VAV2: variants seen among roughly 807,000 people sequenced by gnomAD.
The protein encoded by VAV2 is vav guanine nucleotide exchange factor 2, also known as guanine nucleotide exchange factor VAV2.
VAV2 carries 67 observed loss-of-function variants against 132.5 expected under a neutral mutation model. The observed-to-expected ratio is 0.51, with a 90% CI of 0.42 to 0.62. The LOEUF (loss-of-function observed/expected upper bound fraction) is 0.62. Ranked by LOEUF, VAV2 falls within the 20% of genes least tolerant of loss-of-function variation. The probability of loss-of-function intolerance (pLI) is 0.00; values close to 1 mark genes in which losing one functional copy is unlikely to be tolerated. For missense variants in VAV2, 938 were observed against 1,153.6 expected (o/e 0.81, Z 2.71); for synonymous variants, 492 against 443.5 (o/e 1.11, Z -1.37).
At chr9:133,792,575 C>T (rs908345392) in intron 12 of VAV2, among the ~76,000 whole-genome samples, 25 of 144,924 alleles carry the variant, frequency 1.7e-4, no homozygotes, top group African/African-American at 6.5e-4. Flanking sequence ...GTGTGTCTGA[C>T]TGTGTGGTTG....
At position 133,990,249 on chromosome 9, in the gene VAV2, C is replaced by T. The variant is rs570364833; in HGVS notation, c.204+1826G>A. Among the ~76,000 whole-genome samples the T allele has an allele frequency of 2.0e-5, 3 of 152,266 alleles. No individual in the cohort carries two copies. The South Asian group carries it at 6.2e-4, about 32-fold the overall frequency. ...GCAGGGCCCCTAAACACCCCTCTAC[C>T]GGCCCAGCAGCGGGACCCCTAGACA... On this transcript the variant is annotated intron_variant, in intron 1 of 29. Transcript: ENST00000371850.
intron 1 of VAV2, among the ~76,000 whole-genome samples, chr9:133,947,222 T>C (rs1307214369): frequency 2.6e-5 from 4 of 151,982 alleles, no homozygotes; most frequent in African/African-American, 9.7e-5. Context: ...AAAGGTAGGG[T>C]CTGGCCTCGA....
chr9:133,842,627 G>A (rs1836770595), intron 3 of VAV2, among the ~76,000 whole-genome samples: 1 of 152,176 alleles, frequency 6.6e-6, no homozygotes, highest in Non-Finnish European at 1.5e-5. Context: ...GGGTGGTGGG[G>A]GCCTGGCTAA....
intron 1 of VAV2, among the ~76,000 whole-genome samples, chr9:133,944,980 T>TATAGGCGCTCCACGGCCGA (rs1470814286): frequency 6.6e-6 from 1 of 152,070 alleles, no homozygotes; most frequent in Admixed American, 6.5e-5. Flanking sequence ...TCACAGTGAT[T>TATAGGCGCTCCACGGCCGA]ATAGGCGCTC....
In VAV2 at chr9:133,912,891, G is replaced by T. The variant is rs1008792783; in HGVS notation, c.321+26212C>A. ...ATAGCTTCTATTCATCAGAATCAGG[G>T]CTCCTGATCCTGGTGACTTTAAGGA... is the stretch of plus-strand genomic sequence containing the variant. On this transcript the variant is annotated intron_variant, in intron 2 of 29. Coordinates refer to ENST00000371850, the MANE Select transcript of VAV2 (RefSeq NM_001134398.2). The surrounding 1 kb of genome is among the most constrained non-coding windows in gnomAD (Gnocchi z 4.3). Among the ~76,000 whole-genome samples, 5 of 152,166 alleles carry T rather than the reference G, an allele frequency of 3.3e-5. No individual in the cohort carries two copies. Among genetic ancestry groups the T allele is most frequent in the Admixed American group, 1.3e-4 (2 of 15,280 alleles).
At chr9:133,792,163 G>GGT (rs1834503727) in intron 12 of VAV2, among the ~76,000 whole-genome samples, 1 of 150,060 alleles carries the variant, frequency 6.7e-6, no homozygotes, top group African/African-American at 2.5e-5. Context: ...GTGACTGTGT[G>GGT]TGTGTAAGCG....
Position 133,883,158 on chromosome 9 carries a change from G to C in VAV2, c.322-21726C>G, listed in dbSNP as rs1838567396. Among the ~76,000 whole-genome samples, 1 of 152,220 alleles carries C rather than the reference G, an allele frequency of 6.6e-6. No individual in the cohort carries two copies. Among genetic ancestry groups the C allele is most frequent in the Non-Finnish European group, 1.5e-5 (1 of 68,044 alleles). On this transcript the variant is annotated intron_variant, in intron 2 of 29. Transcript: ENST00000371850. The surrounding 1 kb of genome is among the most constrained non-coding windows in gnomAD (Gnocchi z 4.2). ...AATTGGCATGGAAAGTCAAGTCCCT[G>C]AGCCTGCAAAAGACTCGGCTGTCCC...
intron 2 of VAV2, among the ~76,000 whole-genome samples, chr9:133,887,767 C>CGCCCCT (rs901902195): frequency 1.3e-4 from 20 of 152,166 alleles, no homozygotes; most frequent in East Asian, 3.9e-4. Flanking sequence ...GGCCAGGAAC[C>CGCCCCT]GCCCCTGCCC....
At chr9:133,984,475 C>T (rs757545422) in intron 1 of VAV2, among the ~76,000 whole-genome samples, 7 of 152,066 alleles carry the variant, frequency 4.6e-5, no homozygotes, top group Non-Finnish European at 7.3e-5. Flanking sequence ...TAGCTGGGCG[C>T]GGTGGCACAC....
rs1162884273 is a variant in VAV2, at chr9:133,763,523, G to A, written c.*539C>T. ...TCTCCTCCCGCGCCCTAGCACAGTG[G>A]GGCAAGTGGGCCCACAGTGAACAGC... On this transcript the variant is annotated 3_prime_UTR_variant, in exon 30 of 30. Transcript: ENST00000371850. The surrounding 1 kb of genome is among the most constrained non-coding windows in gnomAD (Gnocchi z 6.8). The A allele has an allele frequency of 1.9e-5, 3 of 158,162 alleles. No individual in the cohort carries two copies. The highest frequency in any genetic ancestry group is 4.2e-5 in the Non-Finnish European group (3 of 71,540). 9.8% of individuals were successfully genotyped at this position (158,162 alleles called of 1,614,324 possible).
rs778009713 is a variant in VAV2, at chr9:133,768,128, C to T, written c.2589+314G>A. ...GCTTGGGGACTTGCAAGTAATTTGG[C>T]GAGTGCAGCTATGAGGGCAGCCCAG... On this transcript the variant is annotated intron_variant, in intron 29 of 29. Coordinates refer to ENST00000371850, the MANE Select transcript of VAV2 (RefSeq NM_001134398.2). This position sits in a 1 kb window ranked among gnomAD's most constrained non-coding sequence, Gnocchi z 5.3. Among the ~76,000 whole-genome samples the T allele has an allele frequency of 7.2e-5, 11 of 152,040 alleles. No individual in the cohort carries two copies. Among genetic ancestry groups the T allele is most frequent in the East Asian group, 1.9e-4 (1 of 5,182 alleles).
intron 2 of VAV2, among the ~76,000 whole-genome samples, chr9:133,929,828 C>G (rs1840614867): frequency 6.6e-6 from 1 of 152,176 alleles, no homozygotes; most frequent in East Asian, 1.9e-4. Flanking sequence ...GTCCCCACCG[C>G]CAGTGTCCCC....
At chr9:133,878,857 C>T (rs1255635831) in intron 2 of VAV2, among the ~76,000 whole-genome samples, 1 of 152,208 alleles carries the variant, frequency 6.6e-6, no homozygotes, top group Non-Finnish European at 1.5e-5. Flanking sequence ...AGTGGAAGCG[C>T]CCTCGGCCCG....
At chr9:133,872,640 G>A (rs1388428752) in intron 2 of VAV2, among the ~76,000 whole-genome samples, 1 of 152,158 alleles carries the variant, frequency 6.6e-6, no homozygotes, top group Non-Finnish European at 1.5e-5. Context: ...GGGACCCGGG[G>A]AGAGAAGAGG....
chr9:133,807,475 G>C (rs527505348), intron 7 of VAV2, 149 bp from the exon 8 acceptor site: 2 of 746,116 alleles, frequency 2.7e-6, no homozygotes, highest in Non-Finnish European at 4.2e-6. Flanking sequence ...TGGCCACATC[G>C]GGCTCCATTC....
intron 17 of VAV2, among the ~76,000 whole-genome samples, chr9:133,784,953 T>C (rs777119846): frequency 2.6e-5 from 4 of 152,108 alleles, no homozygotes; most frequent in African/African-American, 4.8e-5. Flanking sequence ...TCAGCTTCCA[T>C]GAACGCTTGA....
At chr9:133,952,737 A>G (rs2319056) in intron 1 of VAV2, among the ~76,000 whole-genome samples, 58,652 of 152,162 alleles carry the variant, frequency 0.39, 11,551 homozygotes, top group Non-Finnish European at 0.42. Context: ...ACAGATTGGC[A>G]TGATGCAGCC....
intron 29 of VAV2, among the ~76,000 whole-genome samples, chr9:133,764,604 C>A (rs1416926132): frequency 1.3e-5 from 2 of 152,084 alleles, no homozygotes; most frequent in Non-Finnish European, 2.9e-5. Flanking sequence ...AATCCTAGAA[C>A]TGAAACATAC....
In VAV2 at chr9:133,786,428, A is replaced by G. The variant is rs117681723; in HGVS notation, c.1423-543T>C. Among the ~76,000 whole-genome samples, 107 of 152,104 alleles carry G rather than the reference A, an allele frequency of 7.0e-4. No individual in the cohort carries two copies. In the East Asian group the frequency reaches 0.02, roughly 29 times the overall value. On this transcript the variant is annotated intron_variant, in intron 16 of 29. Transcript: ENST00000371850. Reference sequence around the variant, plus strand: ...CACACACATGCCTGGGCAGGTCTGCACTCCTGCCTGCGCCCATGTGCGAGG... The same window carrying G: ...CACACACATGCCTGGGCAGGTCTGCGCTCCTGCCTGCGCCCATGTGCGAGG...
Sources: gnomAD v4.1 joint callset for allele counts (sites outside exome capture counted in the v4.1 genomes callset) on GRCh38, gnomAD v4.1.1 for gene constraint, Gnocchi (gnomAD v3.1) non-coding constraint, MANE v1.5 for transcripts, NCBI Gene and HGNC (gene_info 2026-07-23, HGNC 2026-07-21) for gene names.